Variants in TARBP2 observed in about 807,000 individuals in gnomAD.
TARBP2 encodes the protein RISC-loading complex subunit TARBP2.
Under a neutral mutation model 40.4 loss-of-function variants are expected in TARBP2, and 23 were observed. The observed-to-expected ratio is 0.57, with a 90% CI of 0.41 to 0.81. The LOEUF is 0.81. TARBP2 is among the 30% of genes least tolerant of loss of function. The pLI is 0.00. For missense variants in TARBP2, 358 were observed against 473.7 expected (o/e 0.76, Z 2.27); for synonymous variants, 183 against 190.5 (o/e 0.96, Z 0.32).
Position 53,505,667 on chromosome 12 carries a change from G to A in TARBP2, c.760G>A (p.Asp254Asn), listed in dbSNP as rs1039189459. Residue 254 changes from aspartate to asparagine, a missense_variant, in exon 8 of 9, where the codon GAT becomes AAT. Coordinates refer to ENST00000266987, the MANE Select transcript of TARBP2 (RefSeq NM_134323.2). This position sits in a 1 kb window ranked among gnomAD's most constrained non-coding sequence, Gnocchi z 4.5. ...TTGACAGGGTGTGGGCTCCCGCCTG[G>A]ATGGTCTTCGAAACCGGGGCCCAGG... ...HFSIGVGSRLDGLRNRGPGCT... is the reference protein window; with the variant it reads ...HFSIGVGSRLNGLRNRGPGCT... The A allele has an allele frequency of 2.0e-5, 32 of 1,614,112 alleles. No homozygotes were observed. The highest frequency in any genetic ancestry group is 2.7e-5 in the Non-Finnish European group (32 of 1,179,998).
At chr12:53,502,940 C>A in intron 2 of TARBP2, 87 bp from the exon 3 acceptor site, 2 of 1,390,794 alleles carry the variant, frequency 1.4e-6, no homozygotes, top group Non-Finnish European at 9.6e-7. Context: ...TTGATTCCCT[C>A]TGGCTACGAG....
At position 53,506,107 on chromosome 12, in the gene TARBP2, C is replaced by T. The variant is rs770034727; in HGVS notation, c.1060C>T (p.Arg354Cys). 9 of 1,613,876 alleles carry T rather than the reference C, an allele frequency of 5.6e-6. No homozygotes were observed. The highest frequency in any genetic ancestry group is 5.0e-5 in the Admixed American group (3 of 60,002). Residue 354 changes from arginine to cysteine, a missense_variant, in exon 9 of 9, where the codon CGT becomes TGT. Transcript: ENST00000266987. ...GGCAGCCCGTGGTGAGGCTGCCCGC[C>T]GTGCCCTGCAGTACCTCAAGATCAT... The part of the protein sequence containing the change: ...REAARGEAAR[R>C]ALQYLKIMAG...
At chr12:53,503,500 C>T (rs1943814711) in intron 3 of TARBP2, 2 of 584,424 alleles carry the variant, frequency 3.4e-6, no homozygotes, top group Non-Finnish European at 6.1e-6. Flanking sequence ...TACAAAGATA[C>T]CCTCTTCTCT....
chr12:53,501,883 A>G, intron 1 of TARBP2, 132 bp from the exon 2 acceptor site: 4 of 1,416,344 alleles, frequency 2.8e-6, no homozygotes, highest in South Asian at 2.8e-5. Context: ...AACCCAGCCA[A>G]TGGATGCTAG....
rs1592740962 is a variant in TARBP2, at chr12:53,505,089, G to A, written c.614-46G>A. ...CAAGTATGACCTGGGTGGAAGCACT[G>A]GGTCTGTGGGGAATCATAACCCAGC... On this transcript the variant is annotated intron_variant, in intron 6 of 8. Transcript: ENST00000266987. This position sits in a 1 kb window ranked among gnomAD's most constrained non-coding sequence, Gnocchi z 4.5. 4 of 1,562,790 alleles carry A rather than the reference G, an allele frequency of 2.6e-6. No homozygotes were observed. The East Asian group carries it at 6.8e-5, about 27-fold the overall frequency.
intron 4 of TARBP2, chr12:53,504,069 A>C: frequency 1.7e-6 from 1 of 583,718 alleles, no homozygotes; most frequent in Non-Finnish European, 3.0e-6. Context: ...TTCTGGGTTG[A>C]CCACATGTCA....
At position 53,505,309 on chromosome 12, in the gene TARBP2, A is replaced by G. The variant is rs1196333628; in HGVS notation, c.741+47A>G. ...GGCACCGTGGCCCATCCTCCATGCC[A>G]GGGCAGGGCTCCAGGGACTTGGGTC... On this transcript the variant is annotated intron_variant, in intron 7 of 8. Coordinates refer to ENST00000266987, the MANE Select transcript of TARBP2 (RefSeq NM_134323.2). The surrounding 1 kb of genome is among the most constrained non-coding windows in gnomAD (Gnocchi z 4.5). 1 of 1,546,600 alleles carries G rather than the reference A, an allele frequency of 6.5e-7. No individual in the cohort carries two copies. Among genetic ancestry groups the G allele is most frequent in the African/African-American group, 1.4e-5 (1 of 73,252 alleles).
At chr12:53,503,528 G>T (rs1592736314) in intron 3 of TARBP2, 185 bp from the exon 4 acceptor site, 1 of 599,130 alleles carries the variant, frequency 1.7e-6, no homozygotes, top group Non-Finnish European at 3.0e-6. Flanking sequence ...TCTTTTCTCA[G>T]TCTTTTCGCC....
intron 2 of TARBP2, chr12:53,502,769 G>A: frequency 2.9e-6 from 1 of 344,938 alleles, no homozygotes. Context: ...GGAAATTAAA[G>A]CATTTGCGCT....
chr12:53,504,636 C>T (rs1943883671), intron 5 of TARBP2, 62 bp from the exon 6 acceptor site: 1 of 1,613,774 alleles, frequency 6.2e-7, no homozygotes, highest in Non-Finnish European at 8.5e-7. Context: ...GCGTGGGGAC[C>T]AGCGTGGGTG....
chr12:53,502,102 G>A lies in TARBP2; in HGVS notation c.141G>A (p.Val47=). The A allele has an allele frequency of 6.2e-7, 1 of 1,614,206 alleles. No individual in the cohort carries two copies. The highest frequency in any genetic ancestry group is 8.5e-7 in the Non-Finnish European group (1 of 1,180,038). ...EYGTRIGKTP[V]YDLLKAEGQA... is the part of the protein sequence containing the mutation. ...GGACCAGAATAGGGAAGACGCCTGTGTACGACCTTCTCAAAGCCGAGGGCC... is the reference window on the plus strand; with the variant it reads ...GGACCAGAATAGGGAAGACGCCTGTATACGACCTTCTCAAAGCCGAGGGCC... Residue 47 remains valine (V), a synonymous_variant, in exon 2 of 9, where the codon GTG becomes GTA. Coordinates refer to ENST00000266987, the MANE Select transcript of TARBP2 (RefSeq NM_134323.2).
chr12:53,502,824 A>C (rs1219476085), intron 2 of TARBP2: 2 of 472,576 alleles, frequency 4.2e-6, no homozygotes, highest in Non-Finnish European at 7.4e-6. Flanking sequence ...CCTGCTTGGC[A>C]TGGCTTAATT....
chr12:53,504,479 A>G lies in TARBP2; in HGVS notation c.495+10A>G, dbSNP rs1943868862. On this transcript the variant is annotated intron_variant, in intron 5 of 8. Transcript: ENST00000266987. The stretch of plus-strand genomic sequence containing the variant: ...CGTTGGTGCTCTGCAGGTGTGTCCC[A>G]TCCTCATTTCCCATGCATGCCTGTC... 6.2e-7 allele frequency: 1 copy of G among 1,613,070 alleles called. No individual in the cohort carries two copies. Among genetic ancestry groups the G allele is most frequent in the Admixed American group, 1.7e-5 (1 of 59,858 alleles).
At position 53,505,644 on chromosome 12, in the gene TARBP2, G is replaced by T; in HGVS notation, c.742-5G>T. ...TCATCTTTCTCACTGTTCCCATCTT[G>T]ACAGGGTGTGGGCTCCCGCCTGGAT... is the stretch of plus-strand genomic sequence containing the variant. On this transcript the variant is annotated splice_region_variant and splice_polypyrimidine_tract_variant and intron_variant, in intron 7 of 8. Transcript: ENST00000266987. This position sits in a 1 kb window ranked among gnomAD's most constrained non-coding sequence, Gnocchi z 4.5. 6.2e-7 allele frequency: 1 copy of T among 1,613,928 alleles called. No homozygotes were observed. The highest frequency in any genetic ancestry group is 1.1e-5 in the South Asian group (1 of 91,062).
intron 2 of TARBP2, chr12:53,502,786 T>G (rs1943777937): frequency 2.6e-6 from 1 of 387,376 alleles, no homozygotes; most frequent in Non-Finnish European, 4.7e-6. Context: ...CGCTCAGAAG[T>G]CCACCCAAGG....
In TARBP2 at chr12:53,501,325, T is replaced by A. The variant is rs1362001327; in HGVS notation, c.-84T>A. On this transcript the variant is annotated 5_prime_UTR_variant, in exon 1 of 9. Transcript: ENST00000266987. The stretch of plus-strand genomic sequence containing the variant: ...GCCCTACCGGCCGCGACTCCGGGCT[T>A]GGCCCCGGCCCTAGCTCGTCGGCTG... The A allele has an allele frequency of 2.9e-5, 44 of 1,496,102 alleles. No individual in the cohort carries two copies. Among genetic ancestry groups the A allele is most frequent in the Non-Finnish European group, 3.8e-5 (42 of 1,104,542 alleles). The allele number at this position is 1,496,102 out of a possible 1,614,324, so 92.7% of individuals were successfully genotyped here.
At chr12:53,504,312 T>C in intron 4 of TARBP2, 85 bp from the exon 5 acceptor site, 1 of 1,281,040 alleles carries the variant, frequency 7.8e-7, no homozygotes, top group Non-Finnish European at 1.1e-6. Context: ...GTCAGGAATC[T>C]AAAGTAGTGG....
In TARBP2 at chr12:53,504,791, C is replaced by G; in HGVS notation, c.589C>G (p.Arg197Gly). Reference sequence around the variant, plus strand: ...CCGCAAAGAATTCACCATGACCTGTCGAGTGGAGCGTTTCATTGAGATTGG... The same window carrying G: ...CCGCAAAGAATTCACCATGACCTGTGGAGTGGAGCGTTTCATTGAGATTGG... Reference protein sequence around the residue: ...AHRKEFTMTCRVERFIEIGSG... With the variant: ...AHRKEFTMTCGVERFIEIGSG... Residue 197 changes from arginine (R) to glycine (G), a missense_variant, in exon 6 of 9, where the codon CGA becomes GGA. Physicochemically the swap from Arg to Gly is moderately radical, Grantham distance 125 (BLOSUM62 -2). This residue lies in a region of TARBP2 where 317 missense variants were observed against 422.9 expected (regional missense o/e 0.75). Coordinates refer to ENST00000266987, the MANE Select transcript of TARBP2 (RefSeq NM_134323.2). 2 of 1,614,132 alleles carry G rather than the reference C, an allele frequency of 1.2e-6. No homozygotes were observed. Among genetic ancestry groups the G allele is most frequent in the East Asian group, 2.2e-5 (1 of 44,870 alleles).
chr12:53,505,066 A>C lies in TARBP2; in HGVS notation c.614-69A>C. 1 of 1,546,994 alleles carries C rather than the reference A, an allele frequency of 6.5e-7. No homozygotes were observed. Among genetic ancestry groups the C allele is most frequent in the South Asian group, 1.2e-5 (1 of 81,176 alleles). On this transcript the variant is annotated intron_variant, in intron 6 of 8. Transcript: ENST00000266987. This position sits in a 1 kb window ranked among gnomAD's most constrained non-coding sequence, Gnocchi z 4.5. ...ACATTCTGGGGGGACCCTCAATCCAAGTATGACCTGGGTGGAAGCACTGGG... is the reference window on the plus strand; with the variant it reads ...ACATTCTGGGGGGACCCTCAATCCACGTATGACCTGGGTGGAAGCACTGGG...
Sources: allele counts gnomAD v4.1 joint callset, GRCh38; gene constraint gnomAD v4.1.1; regional missense constraint gnomAD v4.1.1; non-coding constraint Gnocchi (gnomAD v3.1); transcripts MANE v1.5; gene names NCBI Gene and HGNC (gene_info 2026-07-23, HGNC 2026-07-21).